VRK2: variants seen among roughly 807,000 people sequenced by gnomAD.
The protein encoded by VRK2 is VRK serine/threonine kinase 2, also known as serine/threonine-protein kinase VRK2.
VRK2 carries 60 observed loss-of-function variants against 57.6 expected under a neutral mutation model. The ratio of observed to expected loss-of-function variants is 1.04; its 90% CI spans 0.85 to 1.29. The LOEUF (loss-of-function observed/expected upper bound fraction) is 1.29, where lower values mean the gene tolerates loss of function less well. VRK2 is among the 50% of genes most tolerant of loss of function. VRK2 has a pLI of 0.00. For synonymous variants in VRK2, 231 were observed against 199.2 expected, an observed-to-expected ratio of 1.16 and a Z score of -1.35; for missense variants, 705 against 588.1, an observed-to-expected ratio of 1.20 and a Z score of -2.06.
chr2:57,958,445 ATT>A (rs1315856608), intron 1 of VRK2, among the ~76,000 whole-genome samples: 1 of 141,992 alleles, frequency 7.0e-6, no homozygotes, highest in Non-Finnish European at 1.5e-5. Flanking sequence ...ATGTATATAT[ATT>A]TGTATATATA....
intron 12 of VRK2, among the ~76,000 whole-genome samples, chr2:58,153,486 C>A (rs2104700886): frequency 6.6e-6 from 1 of 151,986 alleles, no homozygotes; most frequent in East Asian, 1.9e-4. Context: ...GATTTTTCTT[C>A]TTTAGACTGT....
chr2:57,948,563 T>C (rs1178371183), intron 1 of VRK2, among the ~76,000 whole-genome samples: 1 of 152,064 alleles, frequency 6.6e-6, no homozygotes, highest in African/African-American at 2.4e-5. Context: ...GTTATGCCTC[T>C]CCAATGAATA....
At chr2:58,045,321 T>C (rs1005550055), upstream of VRK2, among the ~76,000 whole-genome samples, 7 of 152,212 alleles carry the variant, frequency 4.6e-5, no homozygotes, top group African/African-American at 1.7e-4. Context: ...TAACACTGGA[T>C]ACATGCCTGT....
chr2:57,947,489 G>A (rs1000219101), intron 1 of VRK2, among the ~76,000 whole-genome samples: 1 of 151,992 alleles, frequency 6.6e-6, no homozygotes, highest in Non-Finnish European at 1.5e-5. Context: ...CTTTCCAACA[G>A]CCCAGCTTGA....
intron 2 of VRK2, among the ~76,000 whole-genome samples, chr2:58,082,251 C>A (rs1297099366): frequency 1.3e-5 from 2 of 151,896 alleles, no homozygotes; most frequent in African/African-American, 4.8e-5. Flanking sequence ...GGCAAGGAGT[C>A]AGGCCTTGGA....
Position 58,145,644 on chromosome 2 carries a change from C to A in VRK2, c.1024-672C>A, listed in dbSNP as rs1423725830. Among the ~76,000 whole-genome samples, 8 of 151,952 alleles carry A rather than the reference C, an allele frequency of 5.3e-5. 1 individual carries two copies. Among genetic ancestry groups the A allele is most frequent in the African/African-American group, 1.9e-4 (8 of 41,440 alleles). On this transcript the variant is annotated intron_variant, in intron 11 of 12. Transcript: ENST00000340157. Reference sequence around the variant, plus strand: ...ATTTTTTATTTTATTTTTTATTATACTTTAAGTTCTAGGGTACATGTGCAC... The same window carrying A: ...ATTTTTTATTTTATTTTTTATTATAATTTAAGTTCTAGGGTACATGTGCAC...
At chr2:57,930,468 G>C (rs1045830336) in intron 1 of VRK2, among the ~76,000 whole-genome samples, 1 of 152,122 alleles carries the variant, frequency 6.6e-6, no homozygotes, top group Non-Finnish European at 1.5e-5. Flanking sequence ...AGCAATTCAA[G>C]ACTGTCTTTT....
At chr2:57,936,030 G>A (rs1420827624) in intron 1 of VRK2, among the ~76,000 whole-genome samples, 1 of 152,094 alleles carries the variant, frequency 6.6e-6, no homozygotes, top group Non-Finnish European at 1.5e-5. Context: ...GGAAGTGATG[G>A]TAGGAAGCTC....
At chr2:58,056,472 A>G (rs1048278376) in intron 2 of VRK2, among the ~76,000 whole-genome samples, 3 of 152,164 alleles carry the variant, frequency 2.0e-5, no homozygotes, top group Non-Finnish European at 2.9e-5. Flanking sequence ...ATATTAAACC[A>G]GAGAAAGTGA....
At chr2:58,104,003 G>T (rs1167311537) in intron 7 of VRK2, among the ~76,000 whole-genome samples, 2 of 151,802 alleles carry the variant, frequency 1.3e-5, no homozygotes, top group Non-Finnish European at 3.0e-5. Flanking sequence ...CAGAAAAAAA[G>T]CATGTGATAA....
rs1446557296 is a variant in VRK2 at position 58,089,619 on chromosome 2, T to C, written c.451-12T>C. ...TAGCAGTAAACCTTATTTTATCTAT[T>C]TATTTTCACAGTTGGATGTACTGGA... On this transcript the variant is annotated splice_polypyrimidine_tract_variant and intron_variant, in intron 6 of 12. Transcript: ENST00000340157. 1.3e-6 allele frequency: 2 copies of C among 1,536,322 alleles called. No homozygotes were observed. Among genetic ancestry groups the C allele is most frequent in the East Asian group, 2.3e-5 (1 of 44,130 alleles).
intron 2 of VRK2, among the ~76,000 whole-genome samples, chr2:58,054,502 C>T (rs545039011): frequency 8.8e-4 from 134 of 151,992 alleles, no homozygotes; most frequent in Non-Finnish European, 1.6e-3. Context: ...AGAGCTCTGG[C>T]TTCCTTATGA....
intron 2 of VRK2, among the ~76,000 whole-genome samples, chr2:58,056,423 AAC>A (rs1381598170): frequency 6.6e-6 from 1 of 152,160 alleles, no homozygotes; most frequent in Non-Finnish European, 1.5e-5. Flanking sequence ...GTCCTCGGAA[AAC>A]ACAATTCATC....
chr2:58,074,334 G>A (rs528897480), intron 2 of VRK2, among the ~76,000 whole-genome samples: 40 of 151,870 alleles, frequency 2.6e-4, no homozygotes, highest in Admixed American at 1.9e-3. Context: ...ATTTGTAACT[G>A]TTTTCTATTT....
intron 1 of VRK2, among the ~76,000 whole-genome samples, chr2:58,005,429 C>G (rs1430004819): frequency 6.6e-6 from 1 of 151,940 alleles, no homozygotes; most frequent in Non-Finnish European, 1.5e-5. Context: ...CTTTTTGATA[C>G]AGTTGTTTCT....
chr2:58,139,202 TA>T (rs969777582), intron 10 of VRK2, among the ~76,000 whole-genome samples: 1 of 152,150 alleles, frequency 6.6e-6, no homozygotes. Flanking sequence ...TATACGGTTA[TA>T]ATCCCAAAAT....
At chr2:58,029,481 T>C (rs560827040) in intron 2 of VRK2, among the ~76,000 whole-genome samples, 1 of 152,270 alleles carries the variant, frequency 6.6e-6, no homozygotes, top group East Asian at 1.9e-4. Context: ...AAAGAAACTT[T>C]CACTAACATT....
intron 3 of VRK2, among the ~76,000 whole-genome samples, chr2:58,035,254 A>G (rs1446718846): frequency 6.6e-6 from 1 of 151,952 alleles, no homozygotes; most frequent in Non-Finnish European, 1.5e-5. Context: ...AAAATATTAT[A>G]TTGGACATTT....
intron 2 of VRK2, among the ~76,000 whole-genome samples, chr2:58,071,692 G>A (rs1166873987): frequency 6.6e-6 from 1 of 151,716 alleles, no homozygotes; most frequent in Non-Finnish European, 1.5e-5. Context: ...CTTAATTATT[G>A]TTTATAGAAA....
Sources: gnomAD v4.1 joint callset for allele counts (sites outside exome capture counted in the v4.1 genomes callset) on GRCh38, gnomAD v4.1.1 for gene constraint, MANE v1.5 for transcripts, NCBI Gene and HGNC (gene_info 2026-07-23, HGNC 2026-07-21) for gene names.